PLPP1: variants seen among roughly 807,000 people sequenced by gnomAD.
PLPP1 encodes the protein lipid phosphate phosphohydrolase 1a.
A neutral mutation model predicts 31.2 loss-of-function variants in PLPP1; 24 were observed. The ratio of observed to expected loss-of-function variants is 0.77; its 90% CI spans 0.56 to 1.08. The LOEUF (loss-of-function observed/expected upper bound fraction) is 1.08, where lower values mean the gene tolerates loss of function less well. Ranked by LOEUF, PLPP1 falls within the 50% of genes least tolerant of loss-of-function variation. The pLI is 0.00. For missense variants in PLPP1, 319 were observed against 342.7 expected (o/e 0.93, Z 0.55); for synonymous variants, 146 against 126.3 (o/e 1.16, Z -1.05).
intron 1 of PLPP1, among the ~76,000 whole-genome samples, chr5:55,509,851 C>T (rs956881803): frequency 6.6e-6 from 1 of 152,172 alleles, no homozygotes; most frequent in Admixed American, 6.5e-5. Flanking sequence ...TGCCAACTGG[C>T]CAAGAACAAC....
intron 1 of PLPP1, among the ~76,000 whole-genome samples, chr5:55,498,347 G>C (rs1753046632): frequency 6.6e-6 from 1 of 152,016 alleles, no homozygotes; most frequent in Admixed American, 6.6e-5. Context: ...AGATCCTAAA[G>C]ATGTTTAGGA....
intron 4 of PLPP1, among the ~76,000 whole-genome samples, chr5:55,432,760 A>G (rs893251518): frequency 2.0e-5 from 3 of 151,464 alleles, no homozygotes; most frequent in Admixed American, 6.6e-5. Context: ...TTCAAATGTG[A>G]TGAAAGTCTT....
intron 1 of PLPP1, among the ~76,000 whole-genome samples, chr5:55,534,048 C>A (rs1045952574): frequency 6.6e-6 from 1 of 152,142 alleles, no homozygotes; most frequent in Non-Finnish European, 1.5e-5. Flanking sequence ...AAAAACTTGG[C>A]GTGCTCATCC....
At chr5:55,453,621 T>A (rs1751940601) in intron 3 of PLPP1, among the ~76,000 whole-genome samples, 1 of 152,198 alleles carries the variant, frequency 6.6e-6, no homozygotes, top group South Asian at 2.1e-4. Context: ...TAAATACAGA[T>A]GTATCCTGTT....
chr5:55,491,229 G>C, intron 1 of PLPP1: 2 of 1,071,706 alleles, frequency 1.9e-6, no homozygotes, highest in Non-Finnish European at 2.7e-6. Context: ...CTCTGGAGAT[G>C]GATCTCCATT....
chr5:55,440,276 G>A (rs1042675888), intron 4 of PLPP1, among the ~76,000 whole-genome samples: 1 of 152,106 alleles, frequency 6.6e-6, no homozygotes, highest in South Asian at 2.1e-4. Flanking sequence ...TACAAAGCAC[G>A]CCCACACATT....
chr5:55,472,444 T>A (rs1752434750), intron 2 of PLPP1, among the ~76,000 whole-genome samples: 2 of 151,822 alleles, frequency 1.3e-5, no homozygotes, highest in Admixed American at 6.6e-5. Context: ...TTACTAAAAA[T>A]ACAAAAATTA....
intron 4 of PLPP1, among the ~76,000 whole-genome samples, chr5:55,426,710 G>C (rs1479101013): frequency 6.6e-6 from 1 of 152,048 alleles, no homozygotes; most frequent in South Asian, 2.1e-4. Flanking sequence ...GCCTGACCCA[G>C]TATCGTGGTT....
chr5:55,454,318 T>C (rs1751959097), intron 3 of PLPP1, among the ~76,000 whole-genome samples: 1 of 152,236 alleles, frequency 6.6e-6, no homozygotes, highest in South Asian at 2.1e-4. Flanking sequence ...TGTTATTAGA[T>C]AATATTATCT....
chr5:55,530,862 G>C (rs1740638736), intron 1 of PLPP1, among the ~76,000 whole-genome samples: 1 of 152,248 alleles, frequency 6.6e-6, no homozygotes, highest in Admixed American at 6.5e-5. Context: ...CCGCGGAGAG[G>C]TCCTCAGCCA....
intron 1 of PLPP1, among the ~76,000 whole-genome samples, chr5:55,510,056 G>A (rs1259065826): frequency 3.9e-5 from 6 of 152,104 alleles, no homozygotes; most frequent in African/African-American, 7.2e-5. Flanking sequence ...GCCACTTATC[G>A]GGAAACTATT....
intron 4 of PLPP1, among the ~76,000 whole-genome samples, chr5:55,440,841 T>C (rs1048869731): frequency 1.3e-5 from 2 of 152,206 alleles, no homozygotes; most frequent in African/African-American, 4.8e-5. Context: ...GTCTAAGCAT[T>C]AAATTATCAT....
chr5:55,493,211 A>G (rs1752933202), intron 1 of PLPP1, among the ~76,000 whole-genome samples: 2 of 151,810 alleles, frequency 1.3e-5, no homozygotes, highest in Non-Finnish European at 2.9e-5. Flanking sequence ...GCTACTCAGG[A>G]GGGTGAGGCA....
chr5:55,513,786 C>T (rs1465786178), intron 1 of PLPP1, among the ~76,000 whole-genome samples: 1 of 152,122 alleles, frequency 6.6e-6, no homozygotes, highest in Non-Finnish European at 1.5e-5. Flanking sequence ...ATTAGCCAAG[C>T]ATGGCAGTGC....
At chr5:55,495,234 C>T (rs1211723961) in intron 1 of PLPP1, among the ~76,000 whole-genome samples, 1 of 151,436 alleles carries the variant, frequency 6.6e-6, no homozygotes, top group Non-Finnish European at 1.5e-5. Flanking sequence ...TTAGAATTTG[C>T]AACTTAAGCT....
intron 3 of PLPP1, 148 bp downstream of exon 3, chr5:55,467,721 G>GA: frequency 1.2e-6 from 1 of 846,064 alleles, no homozygotes. Flanking sequence ...GGCATGATGA[G>GA]AGAGAACAAT....
At chr5:55,463,405 T>C (rs367882667) in intron 3 of PLPP1, among the ~76,000 whole-genome samples, 2 of 152,216 alleles carry the variant, frequency 1.3e-5, no homozygotes, top group South Asian at 2.1e-4. Flanking sequence ...CTCACGCGTG[T>C]AACCCTAGCA....
intron 4 of PLPP1, 101 bp from the exon 5 acceptor site, chr5:55,426,140 T>C: frequency 1.9e-6 from 2 of 1,053,482 alleles, no homozygotes; most frequent in Non-Finnish European, 2.7e-6. Flanking sequence ...AAAGTATTAT[T>C]ATATAGGGAA....
In PLPP1 at chr5:55,424,948, A is replaced by AT. The variant is rs1751130588; in HGVS notation, c.*257dup. 2 of 637,952 alleles carry AT rather than the reference A, an allele frequency of 3.1e-6. No homozygotes were observed. Among genetic ancestry groups the AT allele is most frequent in the Middle Eastern group, 3.1e-4 (1 of 3,186 alleles). 39.5% of individuals were successfully genotyped at this position (637,952 alleles called of 1,614,324 possible). ...ATACATGTTTATACATAAGCATTAC[A>AT]TTTTTTTAATAAAAATGTATACAGG... On this transcript the variant is annotated 3_prime_UTR_variant, in exon 6 of 6. Coordinates refer to ENST00000307259, the MANE Select transcript of PLPP1 (RefSeq NM_003711.4).
Sources: gnomAD v4.1 joint callset for allele counts (sites outside exome capture counted in the v4.1 genomes callset) on GRCh38, gnomAD v4.1.1 for gene constraint, MANE v1.5 for transcripts, NCBI Gene and HGNC (gene_info 2026-07-23, HGNC 2026-07-21) for gene names.